EYS: variants seen among roughly 807,000 people sequenced by gnomAD.
The protein encoded by EYS is protein eyes shut homolog.
EYS carries 250 observed loss-of-function variants against 282.1 expected under a neutral mutation model. That is an observed-to-expected ratio of 0.89 (90% CI 0.80 to 0.98). The LOEUF (loss-of-function observed/expected upper bound fraction) is 0.98, where lower values mean the gene tolerates loss of function less well. Ranked by LOEUF, EYS falls within the 50% of genes least tolerant of loss-of-function variation. EYS has a pLI of 0.00. For missense variants in EYS, 4,016 were observed against 3,709.0 expected (o/e 1.08, Z -2.15); for synonymous variants, 1,355 against 1,282.9 (o/e 1.06, Z -1.20).
At chr6:65,562,436 TAAGGACAGAATGGAAAGAATGA>T (rs559052202) in intron 2 of EYS, among the ~76,000 whole-genome samples, 10 of 152,024 alleles carry the variant, frequency 6.6e-5, no homozygotes, top group African/African-American at 2.2e-4. Flanking sequence ...GTAGTTAACA[TAAGGACAGAATGGAAAGAATGA>T]AAGGACAGAA....
At chr6:64,421,891 G>T (rs1163310765) in intron 28 of EYS, among the ~76,000 whole-genome samples, 1 of 151,314 alleles carries the variant, frequency 6.6e-6, no homozygotes, top group Non-Finnish European at 1.5e-5. Context: ...GTGTGTGTGT[G>T]TGTGTGTGTA....
chr6:65,639,752 T>G (rs1284898741), intron 2 of EYS, 26 bp downstream of exon 2: 4 of 152,030 alleles, frequency 2.6e-5, no homozygotes, highest in Non-Finnish European at 2.9e-5. Context: ...CAGAACCTGT[T>G]TTTTCCTCAG....
At chr6:64,959,620 A>T (rs1424663057) in intron 14 of EYS, among the ~76,000 whole-genome samples, 2 of 152,154 alleles carry the variant, frequency 1.3e-5, no homozygotes, top group African/African-American at 2.4e-5. Context: ...ATTGGTCATA[A>T]CTGGTCTTAA....
At position 64,192,304 on chromosome 6, in the gene EYS, C is replaced by A. The variant is rs540497512; in HGVS notation, c.6424+38288G>T. Among the ~76,000 whole-genome samples the A allele has an allele frequency of 1.9e-4, 29 of 152,098 alleles. No homozygotes were observed. The East Asian group carries it at 4.8e-3, about 25-fold the overall frequency. ...TGCTTGTTCACTCTGATGGTAGTTT[C>A]TTTTGCTGTGAAGAAGCTCTTTAGT... is the stretch of plus-strand genomic sequence containing the variant. On this transcript the variant is annotated intron_variant, in intron 31 of 42. Coordinates refer to ENST00000503581, the MANE Select transcript of EYS (RefSeq NM_001142800.2).
chr6:64,917,115 A>G (rs1768190216), intron 15 of EYS, among the ~76,000 whole-genome samples: 1 of 152,118 alleles, frequency 6.6e-6, no homozygotes, highest in Non-Finnish European at 1.5e-5. Context: ...CAGGCGTGGC[A>G]GCACGCGCCT....
chr6:64,351,964 C>T (rs913689522), intron 29 of EYS, among the ~76,000 whole-genome samples: 20 of 151,456 alleles, frequency 1.3e-4, no homozygotes, highest in African/African-American at 4.3e-4. Context: ...ATGTAGGAGC[C>T]CCATTTTCAA....
chr6:64,943,756 C>T (rs528049515), intron 15 of EYS, among the ~76,000 whole-genome samples: 1 of 152,200 alleles, frequency 6.6e-6, no homozygotes, highest in Non-Finnish European at 1.5e-5. Flanking sequence ...TTGGAAGAAT[C>T]CATATCATTA....
At chr6:65,681,933 C>A (rs1768839095) in intron 1 of EYS, among the ~76,000 whole-genome samples, 1 of 151,886 alleles carries the variant, frequency 6.6e-6, no homozygotes, top group Admixed American at 6.6e-5. Context: ...GAGTAGGACT[C>A]TGACTTTGGT....
At chr6:64,991,707 G>A (rs1227339135) in intron 14 of EYS, among the ~76,000 whole-genome samples, 1 of 151,530 alleles carries the variant, frequency 6.6e-6, no homozygotes, top group Non-Finnish European at 1.5e-5. Context: ...ACTTTATTCT[G>A]CTTGTCTTAA....
chr6:64,245,854 A>G (rs1312096106), intron 30 of EYS, among the ~76,000 whole-genome samples: 1 of 151,902 alleles, frequency 6.6e-6, no homozygotes, highest in African/African-American at 2.4e-5. Flanking sequence ...TTGGGTCTCT[A>G]CTAAAAATAC....
chr6:64,062,646 G>A (rs575597084), intron 33 of EYS, among the ~76,000 whole-genome samples: 5 of 143,052 alleles, frequency 3.5e-5, no homozygotes, highest in Middle Eastern at 8.2e-3. Context: ...AGCCGAGATC[G>A]CACCATTGCA....
intron 12 of EYS, among the ~76,000 whole-genome samples, chr6:65,284,750 CAGA>C (rs1448937222): frequency 2.6e-5 from 4 of 152,034 alleles, no homozygotes; most frequent in Non-Finnish European, 5.9e-5. Flanking sequence ...AGGTTGTTAA[CAGA>C]TGAATGGATG....
At chr6:65,627,725 T>G (rs1447175955) in intron 2 of EYS, among the ~76,000 whole-genome samples, 1 of 152,146 alleles carries the variant, frequency 6.6e-6, no homozygotes, top group Non-Finnish European at 1.5e-5. Flanking sequence ...CCCCCAGCAG[T>G]GCCAGCCCAC....
chr6:64,572,368 G>C (rs934588342), intron 26 of EYS, among the ~76,000 whole-genome samples: 1 of 152,074 alleles, frequency 6.6e-6, no homozygotes, highest in Non-Finnish European at 1.5e-5. Context: ...ACCAGTAAAA[G>C]ACAAAGATGG....
intron 2 of EYS, among the ~76,000 whole-genome samples, chr6:65,560,248 C>G: frequency 7.0e-6 from 1 of 142,290 alleles, no homozygotes; most frequent in East Asian, 2.0e-4. Context: ...TAATTATATA[C>G]AATTATTATA....
chr6:64,823,017 T>A (rs1166454964), intron 19 of EYS, among the ~76,000 whole-genome samples, 195 bp from the exon 20 acceptor site: 2 of 152,008 alleles, frequency 1.3e-5, no homozygotes, highest in Non-Finnish European at 2.9e-5. Context: ...ACTAATTTAA[T>A]GTGAATGACA....
At position 65,639,841 on chromosome 6, in the gene EYS, C is replaced by G. The variant is rs575689241; in HGVS notation, c.-396G>C. ...TTTTATTTGCTAAATAAATATGGAGCAGAGGATCCAGACTTGACTCCCCAG... is the reference window on the plus strand; with the variant it reads ...TTTTATTTGCTAAATAAATATGGAGGAGAGGATCCAGACTTGACTCCCCAG... On this transcript the variant is annotated 5_prime_UTR_variant, in exon 2 of 43. Coordinates refer to ENST00000503581, the MANE Select transcript of EYS (RefSeq NM_001142800.2). 2.0e-5 allele frequency: 3 copies of G among 152,182 alleles called. No homozygotes were observed. The highest frequency in any genetic ancestry group is 2.0e-4 in the Admixed American group (3 of 15,290). 9.4% of individuals were successfully genotyped at this position (152,182 alleles called of 1,614,324 possible). A position where few individuals can be genotyped will look rare whatever the true frequency, so the allele number is the denominator to read the frequency against.
chr6:64,022,179 T>G (rs905667402), intron 33 of EYS, among the ~76,000 whole-genome samples: 13 of 152,204 alleles, frequency 8.5e-5, no homozygotes, highest in Non-Finnish European at 1.9e-4. Context: ...CCATTCTCCA[T>G]TAAATTGAAT....
intron 1 of EYS, among the ~76,000 whole-genome samples, chr6:65,684,315 A>G (rs1768930168): frequency 6.6e-6 from 1 of 152,002 alleles, no homozygotes; most frequent in Admixed American, 6.6e-5. Context: ...ATAACATTTT[A>G]ATGGATTATT....
Sources: allele counts gnomAD v4.1 joint callset (sites outside exome capture counted in the v4.1 genomes callset), GRCh38; gene constraint gnomAD v4.1.1; transcripts MANE v1.5; gene names NCBI Gene and HGNC (gene_info 2026-07-23, HGNC 2026-07-21).